GFRAL: variants seen among roughly 807,000 people sequenced by gnomAD.
The protein encoded by GFRAL is GDNF family receptor alpha like.
In GFRAL, 36 loss-of-function variants were observed where a neutral mutation model predicts 45.4. The ratio of observed to expected loss-of-function variants is 0.79; its 90% CI spans 0.61 to 1.05. The LOEUF (loss-of-function observed/expected upper bound fraction) is 1.05. Among genes scored for constraint, GFRAL ranks in the 50% least tolerant of loss-of-function variants. The pLI is 0.00. For missense variants in GFRAL, 507 were observed against 467.5 expected (o/e 1.08, Z -0.78); for synonymous variants, 166 against 154.1 (o/e 1.08, Z -0.57).
At chr6:55,341,866 C>T (rs181161066) in intron 3 of GFRAL, among the ~76,000 whole-genome samples, 1,990 of 152,200 alleles carry the variant, frequency 0.013, 23 homozygotes, top group Non-Finnish European at 0.022. Context: ...ACGAGAACTA[C>T]ATGATGAATG....
At chr6:55,378,945 T>C (rs955927859) in intron 6 of GFRAL, among the ~76,000 whole-genome samples, 4 of 151,930 alleles carry the variant, frequency 2.6e-5, no homozygotes, top group African/African-American at 9.7e-5. Context: ...TCCGATAATA[T>C]CCAATAGGTG....
intron 6 of GFRAL, among the ~76,000 whole-genome samples, chr6:55,394,915 G>A (rs1259432356): frequency 1.3e-5 from 2 of 151,928 alleles, no homozygotes; most frequent in East Asian, 3.9e-4. Flanking sequence ...AGGAGGAGAA[G>A]GAGGAGAGAA....
intron 6 of GFRAL, among the ~76,000 whole-genome samples, chr6:55,359,747 T>C (rs1768248599): frequency 6.6e-6 from 1 of 152,026 alleles, no homozygotes; most frequent in South Asian, 2.1e-4. Context: ...GAGTTCCTAA[T>C]GGCTAAACCC....
intron 6 of GFRAL, among the ~76,000 whole-genome samples, chr6:55,392,987 G>A (rs2127366106): frequency 6.6e-6 from 1 of 152,246 alleles, no homozygotes; most frequent in South Asian, 2.1e-4. Context: ...GTCGTACATA[G>A]CGTTTGCATA....
chr6:55,394,710 C>T (rs1183278863), intron 6 of GFRAL, among the ~76,000 whole-genome samples: 1 of 152,002 alleles, frequency 6.6e-6, no homozygotes, highest in Non-Finnish European at 1.5e-5. Context: ...CTAGAGGTAA[C>T]AAAATGGTTC....
Position 55,359,064 on chromosome 6 carries a change from G to A in GFRAL, c.878G>A (p.Cys293Tyr), listed in dbSNP as rs776345756. ...LGTVLQVQCT[C>Y]RTITQSEESL... ...ACGGTCCTTCAAGTGCAATGTACCTGTAGGACCATTACACAAAGTGAGGAA... is the reference window on the plus strand; with the variant it reads ...ACGGTCCTTCAAGTGCAATGTACCTATAGGACCATTACACAAAGTGAGGAA... Residue 293 changes from cysteine (C) to tyrosine (Y), a missense_variant, in exon 6 of 9, where the codon TGT becomes TAT. Physicochemically the swap from Cys to Tyr is radical, Grantham distance 194. Coordinates refer to ENST00000340465, the MANE Select transcript of GFRAL (RefSeq NM_207410.2). 9 of 1,612,348 alleles carry A rather than the reference G, an allele frequency of 5.6e-6. No homozygotes were observed. In the Admixed American group the frequency reaches 1.5e-4, roughly 27 times the overall value.
At chr6:55,394,848 GTC>G (rs1768800840) in intron 6 of GFRAL, among the ~76,000 whole-genome samples, 1 of 151,916 alleles carries the variant, frequency 6.6e-6, no homozygotes, top group Non-Finnish European at 1.5e-5. Flanking sequence ...AATCTCCACT[GTC>G]TATTAATAGT....
intron 6 of GFRAL, among the ~76,000 whole-genome samples, chr6:55,377,738 T>A (rs1768554251): frequency 6.6e-6 from 1 of 152,042 alleles, no homozygotes; most frequent in Non-Finnish European, 1.5e-5. Context: ...CTAGTCCTAT[T>A]TAATTATCAT....
chr6:55,372,512 T>C (rs1768464571), intron 6 of GFRAL, among the ~76,000 whole-genome samples: 1 of 152,200 alleles, frequency 6.6e-6, no homozygotes, highest in Admixed American at 6.5e-5. Context: ...CATTGGTCAT[T>C]TAGAGGACTA....
chr6:55,336,219 C>T (rs1398937394), intron 3 of GFRAL, among the ~76,000 whole-genome samples: 1 of 152,188 alleles, frequency 6.6e-6, no homozygotes, highest in African/African-American at 2.4e-5. Context: ...GCTGGGATTA[C>T]AGGTGTGAGC....
chr6:55,383,207 T>C (rs777445854), intron 6 of GFRAL, among the ~76,000 whole-genome samples: 20 of 152,094 alleles, frequency 1.3e-4, no homozygotes, highest in Non-Finnish European at 2.2e-4. Flanking sequence ...AGCAACTAGG[T>C]GAGGCTGATG....
At chr6:55,386,049 A>C (rs947217318) in intron 6 of GFRAL, among the ~76,000 whole-genome samples, 1 of 152,080 alleles carries the variant, frequency 6.6e-6, no homozygotes, top group Non-Finnish European at 1.5e-5. Context: ...GCCCACCAAT[A>C]ACTTTCCTTT....
intron 3 of GFRAL, among the ~76,000 whole-genome samples, chr6:55,347,127 T>C (rs115983234): frequency 0.013 from 1,986 of 152,234 alleles, 22 homozygotes; most frequent in Non-Finnish European, 0.022. Context: ...ACTGTTCCTT[T>C]ATCTGAATGG....
At position 55,331,858 on chromosome 6, in the gene GFRAL, G is replaced by C; in HGVS notation, c.157+9G>C. The C allele has an allele frequency of 6.2e-7, 1 of 1,603,906 alleles. No individual in the cohort carries two copies. Among genetic ancestry groups the C allele is most frequent in the Non-Finnish European group, 8.5e-7 (1 of 1,176,108 alleles). On this transcript the variant is annotated intron_variant, in intron 2 of 8. Transcript: ENST00000340465. Reference sequence around the variant, plus strand: ...TGCCTGCAATGATTCAGGTAAACAAGTTGCTAAAAATACACTCAAATGATT... The same window carrying C: ...TGCCTGCAATGATTCAGGTAAACAACTTGCTAAAAATACACTCAAATGATT...
At position 55,379,850 on chromosome 6, in the gene GFRAL, G is replaced by A. The variant is rs77182514; in HGVS notation, c.953-19330G>A. 3.4e-3 allele frequency among the ~76,000 whole-genome samples: 519 copies of A among 151,798 alleles called. 3 individuals are homozygous for A. Among genetic ancestry groups the A allele is most frequent in the African/African-American group, 0.012 (492 of 41,408 alleles). The stretch of plus-strand genomic sequence containing the variant: ...TTTAATAATCATCCCTCTATTCTCT[G>A]TATCTATGAGATCAACATTTTTAGA... On this transcript the variant is annotated intron_variant, in intron 6 of 8. Coordinates refer to ENST00000340465, the MANE Select transcript of GFRAL (RefSeq NM_207410.2).
rs534589703 is a variant in GFRAL at position 55,389,617 on chromosome 6, A to G, written c.953-9563A>G. Among the ~76,000 whole-genome samples the G allele has an allele frequency of 5.9e-5, 9 of 152,298 alleles. No homozygotes were observed. In the South Asian group the frequency reaches 1.9e-3, roughly 32 times the overall value. On this transcript the variant is annotated intron_variant, in intron 6 of 8. Transcript: ENST00000340465. ...GAAAACTGGAGCATCAATGAGTCAG[A>G]AAAAAGAAGGAAAAACAAAAGTACA...
At chr6:55,383,539 C>T (rs554165024) in intron 6 of GFRAL, among the ~76,000 whole-genome samples, 6 of 152,028 alleles carry the variant, frequency 3.9e-5, no homozygotes, top group South Asian at 4.1e-4. Flanking sequence ...ACATGCTGTA[C>T]GGGTTTGTAG....
intron 6 of GFRAL, among the ~76,000 whole-genome samples, chr6:55,379,987 T>G (rs1021695607): frequency 5.3e-5 from 8 of 152,012 alleles, no homozygotes; most frequent in Non-Finnish European, 1.0e-4. Flanking sequence ...AAAATTCATT[T>G]TTTTCCATGG....
At chr6:55,353,219 T>C (rs538203063) in intron 5 of GFRAL, among the ~76,000 whole-genome samples, 1 of 152,060 alleles carries the variant, frequency 6.6e-6, no homozygotes, top group Non-Finnish European at 1.5e-5. Context: ...GTGTGATTTG[T>C]CATATTTGTC....
Sources: allele counts gnomAD v4.1 joint callset (sites outside exome capture counted in the v4.1 genomes callset), GRCh38; gene constraint gnomAD v4.1.1; transcripts MANE v1.5; gene names NCBI Gene and HGNC (gene_info 2026-07-23, HGNC 2026-07-21).